Variants in GDF1 observed in about 807,000 individuals in gnomAD.
GDF1 encodes the protein growth differentiation factor 1, also known as embryonic growth/differentiation factor 1.
A neutral mutation model predicts 7.4 loss-of-function variants in GDF1; 8 were observed. The observed-to-expected ratio is 1.09, with a 90% CI of 0.64 to 1.96. The LOEUF (loss-of-function observed/expected upper bound fraction) is 1.96, where lower values mean the gene tolerates loss of function less well. Ranked by LOEUF, GDF1 falls within the 30% of genes most tolerant of loss-of-function variation. The pLI, the probability that GDF1 is intolerant of heterozygous loss-of-function variation, is 0.00. For missense variants in GDF1, 574 were observed against 551.5 expected (o/e 1.04, Z -0.41); for synonymous variants, 311 against 276.7 (o/e 1.12, Z -1.23).
intron 6 of GDF1, among the ~76,000 whole-genome samples, chr19:18,871,271 G>A (rs2055965948): frequency 7.0e-6 from 1 of 142,930 alleles, no homozygotes; most frequent in Admixed American, 7.2e-5. Flanking sequence ...CTGTTGCCTA[G>A]TCTGGAGTGT....
At chr19:18,873,493 T>A (rs903192632) in intron 6 of GDF1, among the ~76,000 whole-genome samples, 3 of 151,126 alleles carry the variant, frequency 2.0e-5, no homozygotes, top group Non-Finnish European at 4.4e-5. Flanking sequence ...CCCTAGGAGT[T>A]TGAGATCAGC....
At chr19:18,872,762 C>T (rs1045541272) in intron 6 of GDF1, among the ~76,000 whole-genome samples, 3 of 151,426 alleles carry the variant, frequency 2.0e-5, no homozygotes, top group East Asian at 1.9e-4. Context: ...GTGATCCACC[C>T]GCCTCAGCCT....
In GDF1 at chr19:18,878,579, C is replaced by G. The variant is rs2056109302; in HGVS notation, c.-313+351G>C. 6.4e-6 allele frequency: 7 copies of G among 1,097,846 alleles called. No individual in the cohort carries two copies. The highest frequency in any genetic ancestry group is 7.8e-6 in the Non-Finnish European group (7 of 896,128). 68.0% of individuals were successfully genotyped at this position (1,097,846 alleles called of 1,614,324 possible). ...TCCAGTGGCGACATGGGTCAGAGGT[C>G]GTCATCCAGGCTGGCCAGCAACTAC... On this transcript the variant is annotated intron_variant, in intron 6 of 7. Coordinates refer to ENST00000247005, the MANE Select transcript of GDF1 (RefSeq NM_001492.6). The surrounding 1 kb of genome is among the most constrained non-coding windows in gnomAD (Gnocchi z 4.6).
At position 18,878,453 on chromosome 19, in the gene GDF1, C is replaced by T. The variant is rs1264929227; in HGVS notation, c.-313+477G>A. 21 of 991,728 alleles carry T rather than the reference C, an allele frequency of 2.1e-5. No homozygotes were observed. Among genetic ancestry groups the T allele is most frequent in the Non-Finnish European group, 2.5e-5 (21 of 833,516 alleles). The allele number at this position is 991,728 out of a possible 1,614,324, so 61.4% of individuals were successfully genotyped here. ...TCCTGTTTGGCCGGGCAGTGGGCTC[C>T]CCTGTCAAACTCAGAGGCCAGGATG... On this transcript the variant is annotated intron_variant, in intron 6 of 7. Coordinates refer to ENST00000247005, the MANE Select transcript of GDF1 (RefSeq NM_001492.6). This position sits in a 1 kb window ranked among gnomAD's most constrained non-coding sequence, Gnocchi z 4.6.
intron 2 of GDF1, among the ~76,000 whole-genome samples, chr19:18,891,954 C>T (rs2056501835): frequency 1.3e-5 from 2 of 151,014 alleles, no homozygotes; most frequent in Admixed American, 1.3e-4. Flanking sequence ...AGTGCAGTGG[C>T]ACCATCTCGG....
intron 6 of GDF1, among the ~76,000 whole-genome samples, chr19:18,877,612 C>A (rs1051530787): frequency 8.6e-5 from 13 of 152,024 alleles, no homozygotes; most frequent in African/African-American, 3.1e-4. Flanking sequence ...GTTAGCACAG[C>A]ATGGTGGTGC....
intron 1 of GDF1, among the ~76,000 whole-genome samples, chr19:18,894,978 C>A (rs1037181722): frequency 5.9e-5 from 9 of 152,322 alleles, no homozygotes; most frequent in African/African-American, 2.2e-4. Flanking sequence ...CCACAGCGAC[C>A]CCTCCCCAGG....
Position 18,878,381 on chromosome 19 carries a change from C to T in GDF1, c.-313+549G>A. On this transcript the variant is annotated intron_variant, in intron 6 of 7. Coordinates refer to ENST00000247005, the MANE Select transcript of GDF1 (RefSeq NM_001492.6). This position sits in a 1 kb window ranked among gnomAD's most constrained non-coding sequence, Gnocchi z 4.6. ...GAGGCTCGTGGGCTATCTCCTTCCC[C>T]AGGACTCCCACCTGGGCTGGACTGA... 2 of 986,992 alleles carry T rather than the reference C, an allele frequency of 2.0e-6. No homozygotes were observed. The highest frequency in any genetic ancestry group is 2.4e-6 in the Non-Finnish European group (2 of 831,118). 61.1% of individuals were successfully genotyped at this position (986,992 alleles called of 1,614,324 possible).
At chr19:18,872,409 G>A (rs1324090354) in intron 6 of GDF1, among the ~76,000 whole-genome samples, 4 of 151,932 alleles carry the variant, frequency 2.6e-5, no homozygotes, top group Admixed American at 1.3e-4. Flanking sequence ...GTGCAGTGGC[G>A]CAATCTTGGC....
In GDF1 at chr19:18,878,757, G is replaced by A. The variant is rs1230820426; in HGVS notation, c.-313+173C>T. On this transcript the variant is annotated intron_variant, in intron 6 of 7. Coordinates refer to ENST00000247005, the MANE Select transcript of GDF1 (RefSeq NM_001492.6). This position sits in a 1 kb window ranked among gnomAD's most constrained non-coding sequence, Gnocchi z 4.6. ...CTTCCTCACTGTCCTGTCCTTCAGG[G>A]TACTGGCCACATCGTCCACGCCTTT... The A allele has an allele frequency of 1.4e-6, 2 of 1,436,090 alleles. No individual in the cohort carries two copies. The highest frequency in any genetic ancestry group is 1.8e-6 in the Non-Finnish European group (2 of 1,094,098). The allele number at this position is 1,436,090 out of a possible 1,614,324, so 89.0% of individuals were successfully genotyped here. A position where few individuals can be genotyped will look rare whatever the true frequency, so the allele number is the denominator to read the frequency against.
In GDF1 at chr19:18,868,990, C is replaced by T. The variant is rs990604745; in HGVS notation, c.726G>A (p.Pro242=). 11 of 1,120,312 alleles carry T rather than the reference C, an allele frequency of 9.8e-6. No homozygotes were observed. The highest frequency in any genetic ancestry group is 1.2e-5 in the Non-Finnish European group (11 of 917,376). 69.4% of individuals were successfully genotyped at this position (1,120,312 alleles called of 1,614,324 possible). A position where few individuals can be genotyped will look rare whatever the true frequency, so the allele number is the denominator to read the frequency against. Residue 242 remains proline, a synonymous_variant, in exon 8 of 8, where the codon CCG becomes CCA. Transcript: ENST00000247005. ...EASLLLVTLD[P]RLCHPLARPR... ...GCCGGGCCAGGGGGTGGCACAGGCGCGGGTCGAGGGTCACCAGCAGCAGCG... is the reference window on the plus strand; with the variant it reads ...GCCGGGCCAGGGGGTGGCACAGGCGTGGGTCGAGGGTCACCAGCAGCAGCG...
At position 18,868,910 on chromosome 19, in the gene GDF1, G is replaced by A; in HGVS notation, c.806C>T (p.Ala269Val). ...LGGGPGGACRARRLYVSFREV... is the reference protein window; with the variant it reads ...LGGGPGGACRVRRLYVSFREV... The stretch of plus-strand genomic sequence containing the variant: ...GCGGAAGCTCACGTACAGCCGCCGC[G>A]CGCGACAAGCGCCCCCGGGGCCGCC... The change falls in exon 8 of 8, where the codon GCG becomes GTG. Residue 269 changes from alanine (A) to valine (V), a missense_variant. Transcript: ENST00000247005. 5 of 1,372,658 alleles carry A rather than the reference G, an allele frequency of 3.6e-6. No homozygotes were observed. The highest frequency in any genetic ancestry group is 4.7e-6 in the Non-Finnish European group (5 of 1,053,844). 85.0% of individuals were successfully genotyped at this position (1,372,658 alleles called of 1,614,324 possible).
At position 18,879,270 on chromosome 19, in the gene GDF1, G is replaced by A; in HGVS notation, c.-452C>T. 6 of 1,613,654 alleles carry A rather than the reference G, an allele frequency of 3.7e-6. No homozygotes were observed. The highest frequency in any genetic ancestry group is 5.1e-6 in the Non-Finnish European group (6 of 1,179,770). Reference sequence around the variant, plus strand: ...AACCAGTAGAGGTTCATAAGGGTGAGCAGCAGCAGGAGCGCATTGAAGAAG... The same window carrying A: ...AACCAGTAGAGGTTCATAAGGGTGAACAGCAGCAGGAGCGCATTGAAGAAG... On this transcript the variant is annotated 5_prime_UTR_variant, in exon 5 of 8. Coordinates refer to ENST00000247005, the MANE Select transcript of GDF1 (RefSeq NM_001492.6).
At chr19:18,879,802 C>T (rs1331239148) in intron 4 of GDF1, among the ~76,000 whole-genome samples, 1 of 143,470 alleles carries the variant, frequency 7.0e-6, no homozygotes, top group Admixed American at 7.0e-5. Context: ...CTCTGCCAGG[C>T]CCCGCCCACC....
intron 6 of GDF1, among the ~76,000 whole-genome samples, chr19:18,874,952 G>T (rs2145999044): frequency 6.6e-6 from 1 of 152,286 alleles, no homozygotes; most frequent in Non-Finnish European, 1.5e-5. Flanking sequence ...TGAATTTTCG[G>T]AACCAGGCAA....
At position 18,886,359 on chromosome 19, in the gene GDF1, T is replaced by C. The variant is rs574574535; in HGVS notation, c.-913-2092A>G. Among the ~76,000 whole-genome samples the C allele has an allele frequency of 5.7e-4, 86 of 152,040 alleles. 1 individual carries two copies. Among genetic ancestry groups the C allele is most frequent in the Admixed American group, 3.8e-3 (58 of 15,258 alleles). ...GGTCAGGAGATCAAGACCATCCTGG[T>C]TAACACAGTGAAACCCCGTCTCTAC... On this transcript the variant is annotated intron_variant, in intron 2 of 7. Transcript: ENST00000247005.
Position 18,868,694 on chromosome 19 carries a change from C to A in GDF1, c.1022G>T (p.Arg341Leu), listed in dbSNP as rs1446194780. Residue 341 changes from arginine to leucine, a missense_variant, in exon 8 of 8, where the codon CGC (arginine) becomes CTC (leucine). Transcript: ENST00000247005. ...GAAGAGCACGGAGATGGGCGACAGG[C>A]GCGCGGGCACGCAGCAGGGCAGGTC... ...AADLPCCVPA[R>L]LSPISVLFFD... is the part of the protein sequence containing the mutation. 1.9e-6 allele frequency: 3 copies of A among 1,557,514 alleles called. No homozygotes were observed. The highest frequency in any genetic ancestry group is 1.9e-5 in the Admixed American group (1 of 52,302).
intron 3 of GDF1, 142 bp downstream of exon 3, chr19:18,883,945 T>G: frequency 1.2e-5 from 10 of 848,612 alleles, no homozygotes; most frequent in Non-Finnish European, 1.8e-5. Context: ...GTCGGACCCC[T>G]GAGCACTCTG....
In GDF1 at chr19:18,868,685, G is replaced by T. The variant is rs2055898760; in HGVS notation, c.1031C>A (p.Pro344His). ...GTTGTCAAAGAAGAGCACGGAGATGGGCGACAGGCGCGCGGGCACGCAGCA... is the reference window on the plus strand; with the variant it reads ...GTTGTCAAAGAAGAGCACGGAGATGTGCGACAGGCGCGCGGGCACGCAGCA... ...LPCCVPARLS[P>H]ISVLFFDNSD... Residue 344 changes from proline (P) to histidine (H), a missense_variant, in exon 8 of 8, where the codon CCC (proline) becomes CAC (histidine). Transcript: ENST00000247005. 3 of 1,566,610 alleles carry T rather than the reference G, an allele frequency of 1.9e-6. No homozygotes were observed. The highest frequency in any genetic ancestry group is 2.6e-6 in the Non-Finnish European group (3 of 1,155,698).
Sources: allele counts gnomAD v4.1 joint callset (sites outside exome capture counted in the v4.1 genomes callset), GRCh38; gene constraint gnomAD v4.1.1; non-coding constraint Gnocchi (gnomAD v3.1); transcripts MANE v1.5; gene names NCBI Gene and HGNC (gene_info 2026-07-23, HGNC 2026-07-21).